ASMTL: variants seen among roughly 807,000 people sequenced by gnomAD.
The protein encoded by ASMTL is acetylserotonin O-methyltransferase like, also known as probable bifunctional dTTP/UTP pyrophosphatase/methyltransferase protein.
A neutral mutation model predicts 60.3 loss-of-function variants in ASMTL; 57 were observed. That is an observed-to-expected ratio of 0.95 (90% CI 0.76 to 1.18). ASMTL has a LOEUF of 1.18. Ranked by LOEUF, ASMTL falls within the 50% of genes most tolerant of loss-of-function variation. ASMTL has a pLI of 0.00. For synonymous variants in ASMTL, 419 were observed against 373.0 expected (o/e 1.12, Z -1.42); for missense variants, 981 against 852.6 (o/e 1.15, Z -1.88).
At chrX:1,425,892 TATC>T (rs1203092010) in intron 7 of ASMTL, among the ~76,000 whole-genome samples, 1 of 152,126 alleles carries the variant, frequency 6.6e-6, no homozygotes, top group Non-Finnish European at 1.5e-5. Context: ...CATCAACGAA[TATC>T]ATGCAGAAAA....
intron 2 of ASMTL, among the ~76,000 whole-genome samples, chrX:1,440,979 A>G (rs1233941832): frequency 6.6e-6 from 1 of 152,150 alleles, no homozygotes; most frequent in Non-Finnish European, 1.5e-5. Flanking sequence ...ATTCAAACAT[A>G]GTAACAAGCT....
intron 5 of ASMTL, 131 bp from the exon 6 acceptor site, chrX:1,432,508 G>T (rs1217805784): frequency 4.2e-6 from 3 of 706,076 alleles, no homozygotes; most frequent in South Asian, 3.2e-5. Context: ...ATGCTTCATG[G>T]GAGAATAAGG....
Position 1,442,217 on chromosome X carries a change from T to A in ASMTL, c.194A>T (p.Lys65Met), listed in dbSNP as rs768985299. 2 of 1,613,812 alleles carry A rather than the reference T, an allele frequency of 1.2e-6. No homozygotes were observed. The highest frequency in any genetic ancestry group is 2.2e-5 in the East Asian group (1 of 44,884). Residue 65 changes from lysine (K) to methionine (M), a missense_variant, in exon 2 of 13, where the codon AAG becomes ATG. Lys to Met is a moderately conservative substitution (Grantham distance 95). Coordinates refer to ENST00000381317, the MANE Select transcript of ASMTL (RefSeq NM_004192.4). ...CAGCCGGTTGGCCACCTCCAGGGCC[T>A]TCTGCTTGGCGGTCTCCATGGCGTA... is the stretch of plus-strand genomic sequence containing the variant. ...YGYAMETAKQ[K>M]ALEVANRLYQ...
intron 1 of ASMTL, 46 bp downstream of exon 1, chrX:1,452,702 G>GC (rs1188425966): frequency 2.0e-6 from 3 of 1,502,418 alleles, no homozygotes; most frequent in Non-Finnish European, 2.7e-6. Flanking sequence ...CCGGGGTTCA[G>GC]CCCCTCCGTC....
intron 1 of ASMTL, among the ~76,000 whole-genome samples, chrX:1,450,897 T>G (rs1281332664): frequency 1.9e-3 from 101 of 54,154 alleles, no homozygotes; most frequent in African/African-American, 2.5e-3. Context: ...CCCATCCCTA[T>G]GGGTCCCGGG....
At chrX:1,437,663 C>T (rs762827394) in intron 3 of ASMTL, among the ~76,000 whole-genome samples, 68 of 149,012 alleles carry the variant, frequency 4.6e-4, no homozygotes, top group African/African-American at 1.4e-3. Context: ...TTTGGGATGC[C>T]GAGGCGGGTG....
Position 1,421,763 on chromosome X carries a change from A to G in ASMTL, c.1140T>C (p.Asn380=). 6.2e-7 allele frequency: 1 copy of G among 1,613,840 alleles called. No individual in the cohort carries two copies. The highest frequency in any genetic ancestry group is 8.5e-7 in the Non-Finnish European group (1 of 1,179,842). ...TAAAGAGGTTCCATGTGAGGTCATT[A>G]TTGTGCATGATGAAGCCGTGCAGAG... is the stretch of plus-strand genomic sequence containing the variant. ...EYSLHGFIMH[N]NDLTWNLFTY... Residue 380 remains asparagine (N), a synonymous_variant, in exon 9 of 13, where the codon AAT becomes AAC. Transcript: ENST00000381317.
At chrX:1,453,451 C>T (rs1172843219), upstream of ASMTL, among the ~76,000 whole-genome samples, 3 of 152,006 alleles carry the variant, frequency 2.0e-5, no homozygotes, top group African/African-American at 7.2e-5. Context: ...CCCTCCCCAC[C>T]CCGCCTGCGG....
Position 1,445,093 on chromosome X carries a change from G to A in ASMTL, c.94-2776C>T, listed in dbSNP as rs188044175. Among the ~76,000 whole-genome samples, 115 of 152,144 alleles carry A rather than the reference G, an allele frequency of 7.6e-4. 2 individuals are homozygous for A. The East Asian group carries it at 0.017, about 23-fold the overall frequency. ...TCCAACATCAGACACAAATCCAGCC[G>A]TCTGGTAAGATCTGCCCTCCTCTGA... On this transcript the variant is annotated intron_variant, in intron 1 of 12. Transcript: ENST00000381317.
intron 7 of ASMTL, among the ~76,000 whole-genome samples, chrX:1,427,281 G>A (rs1430356985): frequency 2.0e-5 from 3 of 150,606 alleles, no homozygotes; most frequent in Admixed American, 6.6e-5. Flanking sequence ...GGATACATCT[G>A]TAGTGGACTG....
At chrX:1,420,273 CTCTG>C (rs1389785127) in intron 9 of ASMTL, among the ~76,000 whole-genome samples, 19 of 151,568 alleles carry the variant, frequency 1.3e-4, no homozygotes, top group South Asian at 6.3e-4. Flanking sequence ...CTATCTCTGT[CTCTG>C]TCTTTCTGTC....
chrX:1,404,163 C>T lies in ASMTL; in HGVS notation c.1646-674G>A, dbSNP rs1381099443. ...GTGAATAGATGGTAGATGATGGGTACGTAGGTAGATGGATGGATAGATGGA... is the reference window on the plus strand; with the variant it reads ...GTGAATAGATGGTAGATGATGGGTATGTAGGTAGATGGATGGATAGATGGA... On this transcript the variant is annotated intron_variant, in intron 12 of 12. Coordinates refer to ENST00000381317, the MANE Select transcript of ASMTL (RefSeq NM_004192.4). 8.8e-5 allele frequency among the ~76,000 whole-genome samples: 10 copies of T among 114,002 alleles called. No individual in the cohort carries two copies. The East Asian group carries it at 1.6e-3, about 18-fold the overall frequency. 74.8% of individuals were successfully genotyped at this position (114,002 alleles called of 152,430 possible).
In ASMTL at chrX:1,412,834, G is replaced by A. The variant is rs372645960; in HGVS notation, c.1543C>T (p.Leu515Phe). The change falls in exon 12 of 13, where the codon CTC becomes TTC. Residue 515 changes from leucine (L) to phenylalanine (F), a missense_variant. Transcript: ENST00000381317. ...AGGACGTACAGCTCAGCGCTGGGGAGGGGGTCCCTGAAAAAGTCACCTGGT... is the reference window on the plus strand; with the variant it reads ...AGGACGTACAGCTCAGCGCTGGGGAAGGGGTCCCTGAAAAAGTCACCTGGT... ...FAAGDFFRDP[L>F]PSAELYVLCR... 1.4e-4 allele frequency: 220 copies of A among 1,613,772 alleles called. 1 individual carries two copies. The highest frequency in any genetic ancestry group is 1.3e-3 in the South Asian group (118 of 91,066).
At chrX:1,423,509 T>C (rs1435547960) in intron 8 of ASMTL, among the ~76,000 whole-genome samples, 1 of 152,098 alleles carries the variant, frequency 6.6e-6, no homozygotes, top group Non-Finnish European at 1.5e-5. Flanking sequence ...TGAAGAGTTC[T>C]GTTCAATTCA....
rs550481984 is a variant in ASMTL, at chrX:1,418,091, C to T, written c.1404G>A (p.Glu468=). ...VGGCTGALAR[E]LAREYPRMQV... The stretch of plus-strand genomic sequence containing the variant: ...GCATACGAGGGTACTCACGGGCCAG[C>T]TCTCGGGCCAGTGCACCCGTGCAGC... The change falls in exon 11 of 13, where the codon GAG becomes GAA. Residue 468 remains glutamate (E), a synonymous_variant. Coordinates refer to ENST00000381317, the MANE Select transcript of ASMTL (RefSeq NM_004192.4). The T allele has an allele frequency of 6.2e-7, 1 of 1,611,048 alleles. No homozygotes were observed. The highest frequency in any genetic ancestry group is 8.5e-7 in the Non-Finnish European group (1 of 1,177,992).
chrX:1,428,263 C>G lies in ASMTL; in HGVS notation c.510-142G>C. 2.9e-6 allele frequency: 3 copies of G among 1,033,904 alleles called. No homozygotes were observed. The Admixed American group carries it at 9.0e-5, about 31-fold the overall frequency. The allele number at this position is 1,033,904 out of a possible 1,614,324, so 64.0% of individuals were successfully genotyped here. A position where few individuals can be genotyped will look rare whatever the true frequency, so the allele number is the denominator to read the frequency against. ...CCTGGCTAACACAGTGAAACCCTGT[C>G]TCTACTAAAAAAAATACAAAAAATT... is the stretch of plus-strand genomic sequence containing the variant. On this transcript the variant is annotated intron_variant, in intron 6 of 12. Coordinates refer to ENST00000381317, the MANE Select transcript of ASMTL (RefSeq NM_004192.4).
At chrX:1,441,526 C>T (rs1290740619) in intron 2 of ASMTL, 2 of 152,198 alleles carry the variant, frequency 1.3e-5, no homozygotes, top group African/African-American at 4.8e-5. Context: ...ATCTGTCCGC[C>T]TTGGCCTCCC....
chrX:1,410,965 C>T (rs1364723710), intron 12 of ASMTL, among the ~76,000 whole-genome samples: 3 of 151,742 alleles, frequency 2.0e-5, no homozygotes, highest in Admixed American at 1.3e-4. Context: ...CTGGGTGGAT[C>T]ACCCGAGGTT....
At chrX:1,449,029 C>A (rs1371486469) in intron 1 of ASMTL, among the ~76,000 whole-genome samples, 1 of 152,136 alleles carries the variant, frequency 6.6e-6, no homozygotes, top group Non-Finnish European at 1.5e-5. Flanking sequence ...ACATCCCAAG[C>A]CCAAGATAAC....
Sources: gnomAD v4.1 joint callset for allele counts (sites outside exome capture counted in the v4.1 genomes callset) on GRCh38, gnomAD v4.1.1 for gene constraint, MANE v1.5 for transcripts, NCBI Gene and HGNC (gene_info 2026-07-23, HGNC 2026-07-21) for gene names.